Variants in BBX observed in about 807,000 individuals in gnomAD.
BBX encodes BBX high mobility group box domain containing.
Under a neutral mutation model 100.2 loss-of-function variants are expected in BBX, and 30 were observed. The ratio of observed to expected loss-of-function variants is 0.30; its 90% CI spans 0.22 to 0.41. The LOEUF (loss-of-function observed/expected upper bound fraction) is 0.41. BBX is among the 10% of genes least tolerant of loss of function. BBX has a pLI of 1.00. For synonymous variants in BBX, 376 were observed against 388.1 expected (o/e 0.97, Z 0.37); for missense variants, 1,023 against 1,129.8 (o/e 0.91, Z 1.35).
chr3:107,697,853 C>G (rs9879617), intron 3 of BBX, among the ~76,000 whole-genome samples: 16,116 of 151,892 alleles, frequency 0.11, 1,143 homozygotes, highest in Admixed American at 0.14. Context: ...AGGGAGACTC[C>G]GTGGGCGTAC....
chr3:107,663,934 T>C (rs1184701037), intron 3 of BBX, among the ~76,000 whole-genome samples: 1 of 151,862 alleles, frequency 6.6e-6, no homozygotes, highest in Admixed American at 6.6e-5. Context: ...GTCTCCCAAG[T>C]AGTTGGGACT....
intron 2 of BBX, among the ~76,000 whole-genome samples, chr3:107,630,823 A>G (rs1056097319): frequency 5.9e-5 from 9 of 152,136 alleles, no homozygotes; most frequent in Non-Finnish European, 4.4e-5. Context: ...AGAAATACTC[A>G]ACAGTGTCAG....
chr3:107,549,986 A>T (rs1350040032), intron 2 of BBX, among the ~76,000 whole-genome samples: 1 of 151,294 alleles, frequency 6.6e-6, no homozygotes, highest in African/African-American at 2.4e-5. Flanking sequence ...AAAAATTCTT[A>T]TGGGAATAAA....
chr3:107,573,312 C>A (rs1027800532), intron 2 of BBX, among the ~76,000 whole-genome samples: 7 of 152,148 alleles, frequency 4.6e-5, no homozygotes, highest in Admixed American at 2.0e-4. Context: ...GTAATCCCAG[C>A]ACTTTGGGAG....
chr3:107,611,938 G>C (rs938382833), intron 2 of BBX, among the ~76,000 whole-genome samples: 2 of 151,722 alleles, frequency 1.3e-5, no homozygotes, highest in African/African-American at 4.8e-5. Flanking sequence ...TCCTCTGATT[G>C]TGTATTTTCA....
intron 15 of BBX, among the ~76,000 whole-genome samples, chr3:107,793,584 A>G (rs1305354397): frequency 1.3e-5 from 2 of 152,178 alleles, no homozygotes; most frequent in African/African-American, 2.4e-5. Flanking sequence ...GTCTATGACT[A>G]TATCACTGCT....
rs1491581350 is a variant in BBX, at chr3:107,700,411, C to CATTATT, written c.-9-10039_-9-10038insTATTAT. On this transcript the variant is annotated intron_variant, in intron 3 of 17. Coordinates refer to ENST00000325805, the MANE Select transcript of BBX (RefSeq NM_001142568.3). Reference sequence around the variant, plus strand: ...AGGAGGCAAAGGTATTTTCTTTCATCATCATTATTATTATTATTATTATTA... The same window carrying CATTATT: ...AGGAGGCAAAGGTATTTTCTTTCATCATTATTATCATTATTATTATTATTATTATTA... Among the ~76,000 whole-genome samples the CATTATT allele has an allele frequency of 5.0e-4, 67 of 133,902 alleles. 1 individual carries two copies. The highest frequency in any genetic ancestry group is 3.8e-3 in the Middle Eastern group (1 of 264). The allele number at this position is 133,902 out of a possible 152,430, so 87.8% of individuals were successfully genotyped here. A position where few individuals can be genotyped will look rare whatever the true frequency, so the allele number is the denominator to read the frequency against.
intron 15 of BBX, among the ~76,000 whole-genome samples, chr3:107,796,801 A>C (rs1226558819): frequency 2.0e-5 from 3 of 152,180 alleles, no homozygotes; most frequent in Admixed American, 6.5e-5. Context: ...TCTAAGACTA[A>C]GTATAATAAC....
intron 3 of BBX, among the ~76,000 whole-genome samples, chr3:107,676,961 G>A (rs779716239): frequency 6.6e-6 from 1 of 151,884 alleles, no homozygotes; most frequent in Non-Finnish European, 1.5e-5. Flanking sequence ...TTGACTAGAG[G>A]GTATAATTGG....
At position 107,654,595 on chromosome 3, in the gene BBX, C is replaced by G. The variant is rs572385228; in HGVS notation, c.-10+8686C>G. ...GCTCCAAAATGCTCACTATTGATTC[C>G]TGATATTAATATGGGTAGGCAGAAA... is the stretch of plus-strand genomic sequence containing the variant. On this transcript the variant is annotated intron_variant, in intron 3 of 17. Coordinates refer to ENST00000325805, the MANE Select transcript of BBX (RefSeq NM_001142568.3). 4.6e-5 allele frequency among the ~76,000 whole-genome samples: 7 copies of G among 152,210 alleles called. No individual in the cohort carries two copies. In the East Asian group the frequency reaches 1.3e-3, roughly 29 times the overall value.
In BBX at chr3:107,798,647, A is replaced by G. The variant is rs2070022080; in HGVS notation, c.2478A>G (p.Lys826=). 1.2e-6 allele frequency: 2 copies of G among 1,614,162 alleles called. No individual in the cohort carries two copies. Among genetic ancestry groups the G allele is most frequent in the East Asian group, 2.2e-5 (1 of 44,880 alleles). The change falls in exon 16 of 18, where the codon AAA becomes AAG. Residue 826 remains lysine, a synonymous_variant. Coordinates refer to ENST00000325805, the MANE Select transcript of BBX (RefSeq NM_001142568.3). ...QEPLVGSQKR[K]ARKTKITHLV... is the part of the protein sequence containing the mutation. ...CTTTGGTGGGCAGCCAAAAGAGAAA[A>G]GCAAGGAAAACCAAGATTACACACC...
chr3:107,545,529 C>T (rs1271720524), intron 2 of BBX, among the ~76,000 whole-genome samples: 1 of 152,184 alleles, frequency 6.6e-6, no homozygotes, highest in Non-Finnish European at 1.5e-5. Flanking sequence ...CCGAAGTTTT[C>T]AGAATGTGCT....
intron 15 of BBX, among the ~76,000 whole-genome samples, chr3:107,792,794 A>G (rs2069192607): frequency 6.6e-6 from 1 of 152,212 alleles, no homozygotes; most frequent in Admixed American, 6.5e-5. Flanking sequence ...CTAGCAGAAG[A>G]GTTTGAAGGA....
intron 2 of BBX, chr3:107,599,167 T>C (rs1419289057): frequency 6.6e-6 from 1 of 152,242 alleles, no homozygotes; most frequent in Non-Finnish European, 1.5e-5. Context: ...AGGAAAGGTA[T>C]GGCAGGATGG....
At chr3:107,592,989 A>G (rs1438525395) in intron 2 of BBX, among the ~76,000 whole-genome samples, 1 of 152,230 alleles carries the variant, frequency 6.6e-6, no homozygotes, top group Admixed American at 6.5e-5. Context: ...CTCTAAGTAT[A>G]TATAATTTTA....
At chr3:107,573,915 G>A (rs920781908) in intron 2 of BBX, among the ~76,000 whole-genome samples, 1 of 152,036 alleles carries the variant, frequency 6.6e-6, no homozygotes, top group African/African-American at 2.4e-5. Context: ...CCGGGAGACC[G>A]GGTTTCTCCA....
intron 3 of BBX, among the ~76,000 whole-genome samples, chr3:107,665,870 G>C (rs1016364337): frequency 1.3e-5 from 2 of 152,142 alleles, no homozygotes; most frequent in African/African-American, 2.4e-5. Flanking sequence ...TGAAGTCGTT[G>C]AGTCTGTCTG....
At chr3:107,541,249 G>C (rs2048841524) in intron 2 of BBX, among the ~76,000 whole-genome samples, 1 of 152,156 alleles carries the variant, frequency 6.6e-6, no homozygotes, top group South Asian at 2.1e-4. Flanking sequence ...TGGCTCCCCT[G>C]CGACCAGCAC....
intron 9 of BBX, among the ~76,000 whole-genome samples, chr3:107,752,464 A>G (rs1467089148): frequency 2.0e-5 from 3 of 152,156 alleles, no homozygotes; most frequent in South Asian, 2.1e-4. Context: ...TCATTCAACA[A>G]TTATCAGTCA....
Sources: allele counts gnomAD v4.1 joint callset (sites outside exome capture counted in the v4.1 genomes callset), GRCh38; gene constraint gnomAD v4.1.1; transcripts MANE v1.5; gene names NCBI Gene and HGNC (gene_info 2026-07-23, HGNC 2026-07-21).